RIMS2: variants seen among roughly 807,000 people sequenced by gnomAD.
RIMS2 encodes regulating synaptic membrane exocytosis 2.
A neutral mutation model predicts 174.4 loss-of-function variants in RIMS2; 59 were observed. The ratio of observed to expected loss-of-function variants is 0.34; its 90% CI spans 0.27 to 0.42. RIMS2 has a LOEUF of 0.42. Ranked by LOEUF, RIMS2 falls within the 10% of genes least tolerant of loss-of-function variation. The probability of loss-of-function intolerance (pLI) is 1.00; values close to 1 mark genes in which losing one functional copy is unlikely to be tolerated. For synonymous variants in RIMS2, 606 were observed against 572.5 expected (o/e 1.06, Z -0.84); for missense variants, 1,620 against 1,666.3 (o/e 0.97, Z 0.48).
chr8:104,251,078 AAAC>A, exon 23 of RIMS2: 1 of 1,613,728 alleles, frequency 6.2e-7, no homozygotes, highest in Non-Finnish European at 8.5e-7. Flanking sequence ...GCCAAAAAGA[AAAC>A]AAAAGTGGCA....
chr8:103,940,168 C>T (rs1278654932), intron 13 of RIMS2, among the ~76,000 whole-genome samples: 1 of 152,098 alleles, frequency 6.6e-6, no homozygotes, highest in African/African-American at 2.4e-5. Context: ...CTGATAAAGA[C>T]ATTCTTGAGA....
chr8:104,059,210 G>T (rs1566090544), intron 19 of RIMS2, among the ~76,000 whole-genome samples: 1 of 151,532 alleles, frequency 6.6e-6, no homozygotes, highest in Non-Finnish European at 1.5e-5. Flanking sequence ...AGCATGGAAT[G>T]TTCTTCCATT....
chr8:103,608,780 TTGAC>T (rs2095253375), intron 1 of RIMS2, among the ~76,000 whole-genome samples: 1 of 152,176 alleles, frequency 6.6e-6, no homozygotes, highest in Admixed American at 6.5e-5. Flanking sequence ...ACCCCTTTCT[TTGAC>T]TGGGAAAGGG....
intron 3 of RIMS2, among the ~76,000 whole-genome samples, chr8:103,845,711 G>A (rs2098964437): frequency 6.6e-6 from 1 of 152,044 alleles, no homozygotes; most frequent in Admixed American, 6.6e-5. Flanking sequence ...CACACTCTAG[G>A]AACTTAGCTT....
intron 1 of RIMS2, among the ~76,000 whole-genome samples, chr8:103,589,408 T>A (rs1444986195): frequency 6.6e-6 from 1 of 151,576 alleles, no homozygotes; most frequent in African/African-American, 2.4e-5. Flanking sequence ...AAATGGTTTA[T>A]ATCCAAAAGA....
At chr8:103,583,705 TAC>T (rs2132946756) in intron 1 of RIMS2, among the ~76,000 whole-genome samples, 1 of 148,680 alleles carries the variant, frequency 6.7e-6, no homozygotes, top group East Asian at 1.9e-4. Context: ...TATTTGAAAA[TAC>T]ACAGTCAGAG....
chr8:103,621,512 G>A (rs1343799322), intron 1 of RIMS2, among the ~76,000 whole-genome samples: 1 of 152,230 alleles, frequency 6.6e-6, no homozygotes, highest in Non-Finnish European at 1.5e-5. Context: ...ACCAGTATAA[G>A]CATGCCAGGG....
chr8:103,773,547 T>C (rs937475127), intron 3 of RIMS2, among the ~76,000 whole-genome samples: 2 of 152,012 alleles, frequency 1.3e-5, no homozygotes, highest in African/African-American at 4.8e-5. Flanking sequence ...CTGACCAACA[T>C]GGAGAAAACC....
chr8:103,851,389 C>T (rs1309787797), intron 3 of RIMS2, among the ~76,000 whole-genome samples: 1 of 149,280 alleles, frequency 6.7e-6, no homozygotes, highest in African/African-American at 2.5e-5. Context: ...GCCAATAAAA[C>T]ATGAAAAAAA....
intron 1 of RIMS2, among the ~76,000 whole-genome samples, chr8:103,551,083 C>G (rs1847636862): frequency 6.6e-6 from 1 of 152,142 alleles, no homozygotes; most frequent in Non-Finnish European, 1.5e-5. Context: ...AGGGACTCCT[C>G]CCGAACTCAT....
At chr8:104,197,693 A>T (rs1424437048) in intron 19 of RIMS2, among the ~76,000 whole-genome samples, 1 of 152,140 alleles carries the variant, frequency 6.6e-6, no homozygotes, top group Non-Finnish European at 1.5e-5. Flanking sequence ...AGGGTGGTTT[A>T]AGCCAGGGAC....
intron 1 of RIMS2, among the ~76,000 whole-genome samples, chr8:103,572,099 G>A (rs1432292635): frequency 6.6e-6 from 1 of 152,144 alleles, no homozygotes; most frequent in Non-Finnish European, 1.5e-5. Context: ...TCCTTCCGAT[G>A]TTCAGAAGTG....
At chr8:103,982,492 A>C (rs1371060178) in intron 16 of RIMS2, among the ~76,000 whole-genome samples, 1 of 61,576 alleles carries the variant, frequency 1.6e-5, no homozygotes. Context: ...GCAGAAATCC[A>C]AAAAAAAAAA....
chr8:104,046,991 A>T, intron 19 of RIMS2, among the ~76,000 whole-genome samples: 1 of 152,216 alleles, frequency 6.6e-6, no homozygotes, highest in East Asian at 1.9e-4. Flanking sequence ...ATATAAAAAT[A>T]TATCACAAAT....
intron 4 of RIMS2, among the ~76,000 whole-genome samples, chr8:103,893,347 G>T (rs1189798581): frequency 6.6e-6 from 1 of 151,958 alleles, no homozygotes; most frequent in Non-Finnish European, 1.5e-5. Flanking sequence ...ATTTTTGTTA[G>T]CCTGTGCTAG....
intron 19 of RIMS2, among the ~76,000 whole-genome samples, chr8:104,065,339 T>A (rs1402551986): frequency 6.6e-6 from 1 of 152,144 alleles, no homozygotes; most frequent in African/African-American, 2.4e-5. Context: ...ACAGCCCTTC[T>A]ATTTTATTGA....
At chr8:103,622,602 C>T (rs1016249415) in intron 1 of RIMS2, among the ~76,000 whole-genome samples, 7 of 152,160 alleles carry the variant, frequency 4.6e-5, no homozygotes, top group Admixed American at 3.9e-4. Context: ...TCAGCAATCT[C>T]ATACATACAG....
chr8:103,942,784 A>G (rs1247488434), exon 14 of RIMS2: 11 of 1,611,472 alleles, frequency 6.8e-6, no homozygotes, highest in Non-Finnish European at 3.4e-6. Context: ...TTTTAATTGA[A>G]TTAGAAACAG....
intron 1 of RIMS2, among the ~76,000 whole-genome samples, chr8:103,633,159 C>T (rs139548814): frequency 0.12 from 18,469 of 149,928 alleles, 1,248 homozygotes; most frequent in Middle Eastern, 0.23. Context: ...CCTGAGTAGC[C>T]GGGACTACAG....
Sources: gnomAD v4.1 joint callset for allele counts (sites outside exome capture counted in the v4.1 genomes callset) on GRCh38, gnomAD v4.1.1 for gene constraint, MANE v1.5 for transcripts, NCBI Gene and HGNC (gene_info 2026-07-23, HGNC 2026-07-21) for gene names.